Variants in SAE1 observed in about 807,000 individuals in gnomAD.
SAE1 encodes SUMO-activating enzyme subunit 1.
SAE1 carries 11 observed loss-of-function variants against 40.6 expected under a neutral mutation model. That is an observed-to-expected ratio of 0.27 (90% CI 0.17 to 0.45). The LOEUF is 0.45. Ranked by LOEUF, SAE1 falls within the 20% of genes least tolerant of loss-of-function variation. The pLI, the probability that SAE1 is intolerant of heterozygous loss-of-function variation, is 1.00. For synonymous variants in SAE1, 155 were observed against 154.3 expected (o/e 1.00, Z -0.03); for missense variants, 373 against 427.3 (o/e 0.87, Z 1.12).
chr19:47,147,196 TG>T (rs1414904576), intron 2 of SAE1, among the ~76,000 whole-genome samples: 1 of 136,600 alleles, frequency 7.3e-6, no homozygotes, highest in Non-Finnish European at 1.6e-5. Flanking sequence ...TGTATGTGTA[TG>T]GGTTTTTTTT....
rs989432669 is a variant in SAE1 at position 47,130,872 on chromosome 19, G to A, written c.-59G>A. On this transcript the variant is annotated 5_prime_UTR_variant, in exon 1 of 9. Coordinates refer to ENST00000270225, the MANE Select transcript of SAE1 (RefSeq NM_005500.3). ...CTGCCGGCGGCGGTAGGTGGCGCGCGGGTCCGGCGGGCGGTTGGCTTGAGC... is the reference window on the plus strand; with the variant it reads ...CTGCCGGCGGCGGTAGGTGGCGCGCAGGTCCGGCGGGCGGTTGGCTTGAGC... 7 of 1,544,758 alleles carry A rather than the reference G, an allele frequency of 4.5e-6. No homozygotes were observed. Among genetic ancestry groups the A allele is most frequent in the South Asian group, 1.2e-5 (1 of 83,756 alleles).
rs1350629682 is a variant in SAE1 at position 47,145,942 on chromosome 19, T to G, written c.210+2337T>G. Among the ~76,000 whole-genome samples the G allele has an allele frequency of 7.9e-5, 12 of 151,854 alleles. No individual in the cohort carries two copies. In the South Asian group the frequency reaches 2.1e-3, roughly 26 times the overall value. ...TTTGGTTCCCATTCTCAAGGTTTTTTTTTTTTTTTTTTTCCGGAAACCATA... is the reference window on the plus strand; with the variant it reads ...TTTGGTTCCCATTCTCAAGGTTTTTGTTTTTTTTTTTTTCCGGAAACCATA... On this transcript the variant is annotated intron_variant, in intron 2 of 8. Transcript: ENST00000270225.
At chr19:47,186,259 A>T (rs188200465) in intron 6 of SAE1, among the ~76,000 whole-genome samples, 15 of 151,974 alleles carry the variant, frequency 9.9e-5, no homozygotes, top group East Asian at 1.9e-4. Flanking sequence ...AATAAAAAAA[A>T]AATAATAAAA....
At chr19:47,170,292 G>A (rs2058422795) in intron 6 of SAE1, among the ~76,000 whole-genome samples, 1 of 150,424 alleles carries the variant, frequency 6.6e-6, no homozygotes, top group Non-Finnish European at 1.5e-5. Context: ...TTGGCTCACT[G>A]CAACCTCCAC....
At position 47,182,037 on chromosome 19, in the gene SAE1, C is replaced by T. The variant is rs186655103; in HGVS notation, c.733+12114C>T. Reference sequence around the variant, plus strand: ...CTGGGCTCAAGTGATCCTCCCACTTCTGCCTCCCAAAGCATTGGGATAACA... The same window carrying T: ...CTGGGCTCAAGTGATCCTCCCACTTTTGCCTCCCAAAGCATTGGGATAACA... On this transcript the variant is annotated intron_variant, in intron 6 of 8. Coordinates refer to ENST00000270225, the MANE Select transcript of SAE1 (RefSeq NM_005500.3). 1.8e-4 allele frequency among the ~76,000 whole-genome samples: 28 copies of T among 152,166 alleles called. No homozygotes were observed. The East Asian group carries it at 4.0e-3, about 22-fold the overall frequency.
chr19:47,140,363 C>T (rs2123186681), intron 1 of SAE1, among the ~76,000 whole-genome samples: 1 of 152,156 alleles, frequency 6.6e-6, no homozygotes, highest in African/African-American at 2.4e-5. Context: ...GTCTCGGCCT[C>T]CCAAAGTGCT....
intron 7 of SAE1, 21 bp downstream of exon 7, chr19:47,197,398 C>G (rs1428379646): frequency 1.3e-5 from 21 of 1,603,900 alleles, no homozygotes; most frequent in Non-Finnish European, 1.5e-5. Flanking sequence ...GTATTTATCA[C>G]TGTTTAGTCT....
chr19:47,157,087 GA>G (rs2058328811), intron 5 of SAE1, among the ~76,000 whole-genome samples: 1 of 152,326 alleles, frequency 6.6e-6, no homozygotes, highest in Middle Eastern at 3.4e-3. Flanking sequence ...AGAGACTGCA[GA>G]AAACCACAAA....
Position 47,143,608 on chromosome 19 carries a change from G to T in SAE1, c.210+3G>T, listed in dbSNP as rs555001634. 6.2e-7 allele frequency: 1 copy of T among 1,604,106 alleles called. No homozygotes were observed. Among genetic ancestry groups the T allele is most frequent in the East Asian group, 2.2e-5 (1 of 44,846 alleles). On this transcript the variant is annotated splice_donor_region_variant and intron_variant, in intron 2 of 8. Transcript: ENST00000270225. ...TGACCATGCTGGATCACGAACAGGT[G>T]CGCTGTTGTGAGCTCATTCCTCCCC...
chr19:47,157,329 G>A (rs755937161), intron 5 of SAE1, among the ~76,000 whole-genome samples: 5 of 152,168 alleles, frequency 3.3e-5, no homozygotes, highest in Admixed American at 6.5e-5. Context: ...GAATAGCTCC[G>A]TGAATTTGGT....
In SAE1 at chr19:47,139,010, A is replaced by G. The variant is rs1172829017; in HGVS notation, c.99-4484A>G. On this transcript the variant is annotated intron_variant, in intron 1 of 8. Coordinates refer to ENST00000270225, the MANE Select transcript of SAE1 (RefSeq NM_005500.3). ...GAGGGAAGAAGCAATGGGAAGCACT[A>G]ATGCCAAGGTCCTAAGGTGGGAGCA... Among the ~76,000 whole-genome samples the G allele has an allele frequency of 2.6e-5, 4 of 152,178 alleles. No homozygotes were observed. In the East Asian group the frequency reaches 7.7e-4, roughly 29 times the overall value.
intron 5 of SAE1, among the ~76,000 whole-genome samples, chr19:47,163,317 A>G (rs1434762341): frequency 1.3e-5 from 2 of 152,142 alleles, no homozygotes; most frequent in Non-Finnish European, 2.9e-5. Context: ...CATTGCGTCT[A>G]TCTGTACCAA....
intron 6 of SAE1, among the ~76,000 whole-genome samples, chr19:47,193,401 G>A (rs892639020): frequency 3.2e-4 from 48 of 152,098 alleles, no homozygotes; most frequent in Admixed American, 3.0e-3. Flanking sequence ...TGTTGAGGTA[G>A]CATTGAGGGT....
chr19:47,208,962 A>G (rs995776234), intron 8 of SAE1, among the ~76,000 whole-genome samples, 197 bp from the exon 9 acceptor site: 25 of 152,226 alleles, frequency 1.6e-4, no homozygotes, highest in South Asian at 2.1e-4. Context: ...TAATCTCCCC[A>G]TGGACACACA....
chr19:47,131,983 G>T (rs1174500341), intron 1 of SAE1, among the ~76,000 whole-genome samples: 1 of 151,836 alleles, frequency 6.6e-6, no homozygotes, highest in African/African-American at 2.4e-5. Flanking sequence ...TTACAGGAGT[G>T]AGCCACCGCG....
At position 47,203,671 on chromosome 19, in the gene SAE1, G is replaced by A; in HGVS notation, c.879G>A (p.Arg293=). The A allele has an allele frequency of 6.2e-7, 1 of 1,613,788 alleles. No individual in the cohort carries two copies. Among genetic ancestry groups the A allele is most frequent in the Non-Finnish European group, 8.5e-7 (1 of 1,179,800 alleles). ...TTTTCCTTGTCTTCCTCTCTTTTAGGTACTGCTTCTCCGAGATGGCCCCAG... is the reference window on the plus strand; with the variant it reads ...TTTTCCTTGTCTTCCTCTCTTTTAGATACTGCTTCTCCGAGATGGCCCCAG... ...SPDLLPEDFV[R]YCFSEMAPVC... Residue 293 remains arginine (R), a splice_region_variant and synonymous_variant, in exon 8 of 9, where the codon AGG becomes AGA. Transcript: ENST00000270225.
chr19:47,150,432 G>T, intron 3 of SAE1, 57 bp downstream of exon 3: 1 of 1,373,132 alleles, frequency 7.3e-7, no homozygotes, highest in Non-Finnish European at 1.0e-6. Flanking sequence ...GGTGCTAGTT[G>T]TATATACTTT....
At chr19:47,151,634 A>C (rs2058289154) in intron 3 of SAE1, among the ~76,000 whole-genome samples, 1 of 152,118 alleles carries the variant, frequency 6.6e-6, no homozygotes, top group African/African-American at 2.4e-5. Context: ...CATCTGTTCA[A>C]ATATGGGCTT....
In SAE1 at chr19:47,155,153, A is replaced by G; in HGVS notation, c.567A>G (p.Glu189=). 6.2e-7 allele frequency: 1 copy of G among 1,614,096 alleles called. No homozygotes were observed. The highest frequency in any genetic ancestry group is 8.5e-7 in the Non-Finnish European group (1 of 1,179,952). Residue 189 remains glutamate (E), a synonymous_variant, in exon 5 of 9, where the codon GAA becomes GAG. Transcript: ENST00000270225. ...TKVAKVSQGV[E]DGPDTKRAKL... is the part of the protein sequence containing the mutation. ...TTGCCAAAGTTAGCCAAGGAGTAGA[A>G]GATGGGCCCGACACCAAGAGAGCAA...
Sources: allele counts gnomAD v4.1 joint callset (sites outside exome capture counted in the v4.1 genomes callset), GRCh38; gene constraint gnomAD v4.1.1; transcripts MANE v1.5; gene names NCBI Gene and HGNC (gene_info 2026-07-23, HGNC 2026-07-21).